Variants in KCNH7 observed in about 807,000 individuals in gnomAD.
KCNH7 encodes the protein voltage-gated inwardly rectifying potassium channel KCNH7.
A neutral mutation model predicts 120.8 loss-of-function variants in KCNH7; 49 were observed. The observed-to-expected ratio is 0.41, with a 90% CI of 0.32 to 0.51. KCNH7 has a LOEUF of 0.51. Among genes scored for constraint, KCNH7 ranks in the 20% least tolerant of loss-of-function variants. KCNH7 has a pLI of 0.38. For missense variants in KCNH7, 1,097 were observed against 1,446.6 expected (o/e 0.76, Z 3.92); for synonymous variants, 547 against 516.1 (o/e 1.06, Z -0.81).
At chr2:162,808,617 T>A (rs1362662674) in intron 2 of KCNH7, among the ~76,000 whole-genome samples, 2 of 152,154 alleles carry the variant, frequency 1.3e-5, no homozygotes, top group African/African-American at 4.8e-5. Context: ...GTACAAACTT[T>A]AAGGGAGTTT....
chr2:162,588,911 C>T (rs1467241819), intron 2 of KCNH7, among the ~76,000 whole-genome samples: 1 of 152,050 alleles, frequency 6.6e-6, no homozygotes, highest in Non-Finnish European at 1.5e-5. Flanking sequence ...TTTCCTCTCC[C>T]TCCAATGGTG....
chr2:162,640,135 C>G (rs143465122), intron 2 of KCNH7, among the ~76,000 whole-genome samples: 1 of 152,144 alleles, frequency 6.6e-6, no homozygotes, highest in South Asian at 2.1e-4. Context: ...ATTGCTATAC[C>G]GGTTTAACAC....
At chr2:162,425,961 C>A (rs1687847923) in intron 8 of KCNH7, among the ~76,000 whole-genome samples, 1 of 151,984 alleles carries the variant, frequency 6.6e-6, no homozygotes, top group South Asian at 2.1e-4. Flanking sequence ...TGCCTGTAAT[C>A]CCAGCACTTT....
At chr2:162,709,684 CTCTA>C (rs1217999902) in intron 2 of KCNH7, among the ~76,000 whole-genome samples, 2 of 152,152 alleles carry the variant, frequency 1.3e-5, no homozygotes, top group Non-Finnish European at 2.9e-5. Context: ...CCAAGGCAAA[CTCTA>C]TCTTTAAGCC....
At chr2:162,755,833 G>A (rs1344165442) in intron 2 of KCNH7, among the ~76,000 whole-genome samples, 1 of 152,062 alleles carries the variant, frequency 6.6e-6, no homozygotes, top group Non-Finnish European at 1.5e-5. Flanking sequence ...AAAATCATTG[G>A]CATATACTTG....
intron 4 of KCNH7, among the ~76,000 whole-genome samples, chr2:162,513,001 T>C (rs537483362): frequency 7.1e-4 from 108 of 151,992 alleles, no homozygotes; most frequent in African/African-American, 2.6e-3. Flanking sequence ...CTTTCAACCT[T>C]GTCAACAGCC....
chr2:162,374,415 G>A, intron 14 of KCNH7, among the ~76,000 whole-genome samples: 1 of 152,036 alleles, frequency 6.6e-6, no homozygotes, highest in East Asian at 1.9e-4. Flanking sequence ...AATATAATTG[G>A]TCAGATTCCC....
At chr2:162,646,574 C>CA (rs1684366593) in intron 2 of KCNH7, among the ~76,000 whole-genome samples, 1 of 152,094 alleles carries the variant, frequency 6.6e-6, no homozygotes, top group Non-Finnish European at 1.5e-5. Context: ...ATGACATGAG[C>CA]ACTCAAAAGC....
chr2:162,432,424 T>A (rs1031289214), intron 8 of KCNH7, among the ~76,000 whole-genome samples: 8 of 152,004 alleles, frequency 5.3e-5, no homozygotes, highest in African/African-American at 1.9e-4. Context: ...GAAAAGTACA[T>A]TTTATATAAA....
At chr2:162,509,764 T>TGA (rs1553485815) in intron 5 of KCNH7, among the ~76,000 whole-genome samples, 11 of 151,682 alleles carry the variant, frequency 7.3e-5, no homozygotes, top group African/African-American at 2.7e-4. Flanking sequence ...ATTTATTTCA[T>TGA]TTATGAGTCA....
At chr2:162,664,755 G>T (rs1467446447) in intron 2 of KCNH7, among the ~76,000 whole-genome samples, 1 of 152,074 alleles carries the variant, frequency 6.6e-6, no homozygotes, top group East Asian at 1.9e-4. Context: ...TTTTCAGTTA[G>T]TATACAGTAG....
intron 2 of KCNH7, among the ~76,000 whole-genome samples, chr2:162,775,915 C>G (rs1226910622): frequency 1.3e-5 from 2 of 152,160 alleles, no homozygotes; most frequent in African/African-American, 4.8e-5. Flanking sequence ...TCTTTACTAG[C>G]TATGTAAACT....
chr2:162,593,951 G>T lies in KCNH7; in HGVS notation c.308-56871C>A, dbSNP rs146891681. 2.6e-3 allele frequency among the ~76,000 whole-genome samples: 401 copies of T among 152,086 alleles called. 4 individuals are homozygous for T. Among genetic ancestry groups the T allele is most frequent in the African/African-American group, 9.0e-3 (374 of 41,514 alleles). On this transcript the variant is annotated intron_variant, in intron 2 of 15. Transcript: ENST00000332142. ...CTAGTGTTATCTTTCCTGTCTTGCA[G>T]TTGACTGGCTAATCCTTTGTATAAA...
chr2:162,770,129 G>C (rs755170960), intron 2 of KCNH7, among the ~76,000 whole-genome samples: 2 of 151,882 alleles, frequency 1.3e-5, no homozygotes, highest in Admixed American at 1.3e-4. Flanking sequence ...CTGAGTACAT[G>C]GGAATTTGAT....
At chr2:162,629,729 T>A (rs1349675297) in intron 2 of KCNH7, among the ~76,000 whole-genome samples, 1 of 152,050 alleles carries the variant, frequency 6.6e-6, no homozygotes, top group African/African-American at 2.4e-5. Context: ...AAATTGGCCA[T>A]GGTATGAGTA....
At chr2:162,548,389 G>A (rs537700730) in intron 2 of KCNH7, among the ~76,000 whole-genome samples, 1 of 152,316 alleles carries the variant, frequency 6.6e-6, no homozygotes, top group African/African-American at 2.4e-5. Flanking sequence ...TCTTCCAAAG[G>A]TGGTTGCAGG....
intron 2 of KCNH7, among the ~76,000 whole-genome samples, chr2:162,663,637 T>C (rs1167419064): frequency 6.6e-6 from 1 of 152,098 alleles, no homozygotes; most frequent in Non-Finnish European, 1.5e-5. Context: ...GAAATGCAAA[T>C]CTAAACATTT....
chr2:162,665,527 G>C (rs551926633), intron 2 of KCNH7, among the ~76,000 whole-genome samples: 1 of 152,166 alleles, frequency 6.6e-6, no homozygotes, highest in South Asian at 2.1e-4. Flanking sequence ...AACTAAATTT[G>C]TCATTTCATA....
chr2:162,543,496 C>T (rs1012206855), intron 2 of KCNH7, among the ~76,000 whole-genome samples: 2 of 152,084 alleles, frequency 1.3e-5, no homozygotes, highest in African/African-American at 4.8e-5. Context: ...TTGTCATATT[C>T]ATGTTCTGCT....
Sources: gnomAD v4.1 joint callset for allele counts (sites outside exome capture counted in the v4.1 genomes callset) on GRCh38, gnomAD v4.1.1 for gene constraint, MANE v1.5 for transcripts, NCBI Gene and HGNC (gene_info 2026-07-23, HGNC 2026-07-21) for gene names.